FMR1: variants seen among roughly 807,000 people sequenced by gnomAD.
FMR1 encodes fragile X messenger ribonucleoprotein 1, also known as FMRP translational regulator 1.
Under a neutral mutation model 50.6 loss-of-function variants are expected in FMR1, and 13 were observed. The ratio of observed to expected loss-of-function variants is 0.26; its 90% confidence interval spans 0.17 to 0.41. The LOEUF is 0.41. Among genes scored for constraint, FMR1 ranks in the 10% least tolerant of loss-of-function variants. The pLI is 1.00. For synonymous variants in FMR1, 138 were observed against 164.1 expected (o/e 0.84, Z 1.22); for missense variants, 316 against 491.3 (o/e 0.64, Z 3.37).
At chrX:147,940,839 T>G (rs1214131207) in intron 13 of FMR1, among the ~76,000 whole-genome samples, 177 bp downstream of exon 13, 1 of 112,393 alleles carries the variant, frequency 8.9e-6, no homozygotes, top group Non-Finnish European at 1.9e-5. Context: ...ATGGAAGTCT[T>G]TATAAATTTA....
At chrX:147,916,689 G>C (rs1016972807) in intron 1 of FMR1, among the ~76,000 whole-genome samples, 8 of 102,315 alleles carry the variant, frequency 7.8e-5, no homozygotes, top group African/African-American at 2.9e-4. Flanking sequence ...TTGTTTCTTT[G>C]GTTTGTTTCT....
At chrX:147,931,793 GCTTA>G (rs1428377846) in intron 7 of FMR1, among the ~76,000 whole-genome samples, 1 of 111,472 alleles carries the variant, frequency 9.0e-6, no homozygotes, top group Admixed American at 9.6e-5. Flanking sequence ...GCTTTCAGAT[GCTTA>G]CTAAGTTTTT....
chrX:147,918,568 T>TC, intron 1 of FMR1, among the ~76,000 whole-genome samples: 1 of 93,357 alleles, frequency 1.1e-5, no homozygotes, highest in Admixed American at 1.2e-4. Context: ...TTTTTTTTTT[T>TC]TTTTTTTTTT....
chrX:147,914,029 TC>T (rs2042728029), intron 1 of FMR1: 1 of 112,468 alleles, frequency 8.9e-6, no homozygotes, highest in African/African-American at 3.2e-5. Flanking sequence ...ATTGTTCTCT[TC>T]CAGCAACTTA....
rs1257617217 is a variant in FMR1 at position 147,950,586 on chromosome X, AAT to A, written c.*1747_*1748del. On this transcript the variant is annotated 3_prime_UTR_variant, in exon 17 of 17. Coordinates refer to ENST00000370475, the MANE Select transcript of FMR1 (RefSeq NM_002024.6). ...GTTGACATTTGTTTGGTTATAGTGC[AAT>A]ATATTTTGTATGCAAGCAGTTTCAA... 3.0e-6 allele frequency: 1 copy of A among 329,735 alleles called. No individual in the cohort carries two copies. The highest frequency in any genetic ancestry group is 5.9e-6 in the Non-Finnish European group (1 of 169,902). The allele number at this position is 329,735 out of a possible 1,213,427, so 27.2% of individuals were successfully genotyped here. A position where few individuals can be genotyped will look rare whatever the true frequency, so the allele number is the denominator to read the frequency against.
At chrX:147,915,774 G>A (rs1372504981) in intron 1 of FMR1, among the ~76,000 whole-genome samples, 6 of 111,662 alleles carry the variant, frequency 5.4e-5, no homozygotes, top group African/African-American at 2.0e-4. Context: ...TTTATTTGAT[G>A]TATTGTTGTT....
In FMR1 at chrX:147,920,204, T is replaced by G. The variant is rs187777866; in HGVS notation, c.52-1729T>G. On this transcript the variant is annotated intron_variant, in intron 1 of 16. Transcript: ENST00000370475. ...ATTTTTTTTTGTATGCAGTATGAGG[T>G]AAAGGTTGAAACGTATTCTTTTTGC... Among the ~76,000 whole-genome samples, 5 of 112,306 alleles carry G rather than the reference T, an allele frequency of 4.5e-5. No homozygotes were observed. The Admixed American group carries it at 4.7e-4, about 11-fold the overall frequency.
Position 147,949,241 on chromosome X carries a change from C to T in FMR1, c.*397C>T, listed in dbSNP as rs1395702170. Reference sequence around the variant, plus strand: ...CATATTAGACTTCTGTTTTCAATCTCGTATAGAAGTCTTCATGAAATGCTA... The same window carrying T: ...CATATTAGACTTCTGTTTTCAATCTTGTATAGAAGTCTTCATGAAATGCTA... On this transcript the variant is annotated 3_prime_UTR_variant, in exon 17 of 17. Transcript: ENST00000370475. The T allele has an allele frequency of 1.8e-5, 6 of 330,202 alleles. No homozygotes were observed. The highest frequency in any genetic ancestry group is 5.2e-5 in the South Asian group (2 of 38,177). The allele number at this position is 330,202 out of a possible 1,213,427, so 27.2% of individuals were successfully genotyped here.
intron 2 of FMR1, among the ~76,000 whole-genome samples, chrX:147,923,378 G>A (rs892340502): frequency 8.9e-6 from 1 of 111,928 alleles, no homozygotes; most frequent in African/African-American, 3.2e-5. Flanking sequence ...CACACCAACA[G>A]AGGAATCTTT....
chrX:147,921,471 A>G (rs950208280), intron 1 of FMR1, among the ~76,000 whole-genome samples: 1 of 110,400 alleles, frequency 9.1e-6, no homozygotes, highest in African/African-American at 3.3e-5. Flanking sequence ...GTATATATAT[A>G]TATATAGATA....
chrX:147,940,533 T>G, intron 12 of FMR1, 43 bp from the exon 13 acceptor site: 1 of 848,870 alleles, frequency 1.2e-6, no homozygotes, highest in Non-Finnish European at 1.8e-6. Context: ...CAGATTAATC[T>G]ATCATTACTT....
Position 147,930,157 on chromosome X carries a change from A to G in FMR1, c.543A>G (p.Ala181=), listed in dbSNP as rs1569545674. 2 of 1,208,312 alleles carry G rather than the reference A, an allele frequency of 1.7e-6. No individual in the cohort carries two copies. The highest frequency in any genetic ancestry group is 2.2e-6 in the Non-Finnish European group (2 of 892,321). The change falls in exon 7 of 17, where the codon GCA becomes GCG. Residue 181 remains alanine, a synonymous_variant. Coordinates refer to ENST00000370475, the MANE Select transcript of FMR1 (RefSeq NM_002024.6). ...LSINEVTSKR[A]HMLIDMHFRS... ...TCAATGAAGTCACCTCAAAGCGAGCACATATGCTGATTGACATGCACTTTC... is the reference window on the plus strand; with the variant it reads ...TCAATGAAGTCACCTCAAAGCGAGCGCATATGCTGATTGACATGCACTTTC...
intron 7 of FMR1, chrX:147,930,811 A>G (rs1162209700): frequency 8.9e-6 from 1 of 112,374 alleles, no homozygotes; most frequent in Non-Finnish European, 1.9e-5. Flanking sequence ...ATCCATTACT[A>G]TAGAAACTAA....
rs1557179854 is a variant in FMR1, at chrX:147,937,485, C to T, written c.1010C>T (p.Ser337Phe). 1 of 1,202,302 alleles carries T rather than the reference C, an allele frequency of 8.3e-7. No individual in the cohort carries two copies. Among genetic ancestry groups the T allele is most frequent in the East Asian group, 3.0e-5 (1 of 33,697 alleles). The change falls in exon 11 of 17, where the codon TCC becomes TTC. Residue 337 changes from serine (S) to phenylalanine (F), a missense_variant. Ser to Phe is a radical substitution (Grantham distance 155). Transcript: ENST00000370475. ...ACCAAGGAAATTATGCCACCAAATT[C>T]CCTTCCTTCCAATAATTCAAGGGTT... Reference protein sequence around the residue: ...PQEEEIMPPNSLPSNNSRVGP... With the variant: ...PQEEEIMPPNFLPSNNSRVGP...
chrX:147,943,572 T>G, intron 14 of FMR1: 1 of 393,706 alleles, frequency 2.5e-6, no homozygotes. Flanking sequence ...CCTTGTGTGT[T>G]GATGATTTTC....
At position 147,930,255 on chromosome X, in the gene FMR1, T is replaced by C. The variant is rs782586425; in HGVS notation, c.630+11T>C. 5 of 1,026,829 alleles carry C rather than the reference T, an allele frequency of 4.9e-6. No homozygotes were observed. The highest frequency in any genetic ancestry group is 6.9e-6 in the Non-Finnish European group (5 of 726,893). The allele number at this position is 1,026,829 out of a possible 1,213,427, so 84.6% of individuals were successfully genotyped here. On this transcript the variant is annotated intron_variant, in intron 7 of 16. Transcript: ENST00000370475. ...AGTAAGCAGCTGGAGGTATGTCACT[T>C]TCCCTAGCACTGCTTGTAAGGGTAC...
intron 16 of FMR1, among the ~76,000 whole-genome samples, chrX:147,948,090 T>C (rs1557182475): frequency 1.8e-5 from 2 of 112,249 alleles, no homozygotes; most frequent in Non-Finnish European, 3.8e-5. Flanking sequence ...TGTAGGATCA[T>C]CTGAATTTTC....
At chrX:147,942,703 C>T (rs1557181151) in intron 13 of FMR1, among the ~76,000 whole-genome samples, 1 of 112,352 alleles carries the variant, frequency 8.9e-6, no homozygotes, top group East Asian at 2.8e-4. Flanking sequence ...AGATTATTTA[C>T]AATGTGTGAT....
chrX:147,923,800 G>A (rs1351320809), intron 2 of FMR1, among the ~76,000 whole-genome samples: 2 of 111,755 alleles, frequency 1.8e-5, no homozygotes, highest in Non-Finnish European at 3.8e-5. Context: ...CTGGGTTTGA[G>A]CACATCAATA....
Sources: gnomAD v4.1 joint callset for allele counts (sites outside exome capture counted in the v4.1 genomes callset) on GRCh38, gnomAD v4.1.1 for gene constraint, MANE v1.5 for transcripts, NCBI Gene and HGNC (gene_info 2026-07-23, HGNC 2026-07-21) for gene names.